Variants in SYTL3 observed in about 807,000 individuals in gnomAD.
The protein encoded by SYTL3 is synaptotagmin like 3, also known as synaptotagmin-like protein 3.
Under a neutral mutation model 82.1 loss-of-function variants are expected in SYTL3, and 88 were observed. That is an observed-to-expected ratio of 1.07 (90% confidence interval 0.90 to 1.28). The LOEUF (loss-of-function observed/expected upper bound fraction) is 1.28, where lower values mean the gene tolerates loss of function less well. Ranked by LOEUF, SYTL3 falls within the 50% of genes most tolerant of loss-of-function variation. The pLI is 0.00. For missense variants in SYTL3, 831 were observed against 757.6 expected (o/e 1.10, Z -1.14); for synonymous variants, 311 against 289.4 (o/e 1.07, Z -0.76).
rs1270979876 is a variant in SYTL3 at position 158,764,603 on chromosome 6, G to A, written c.1832G>A (p.Ter611=). Residue 611 remains the stop codon, a stop_retained_variant, in exon 18 of 18, where the codon TGA becomes TAA. Coordinates refer to ENST00000611299, the MANE Select transcript of SYTL3 (RefSeq NM_001242394.2). ...LWTDMTLVLH[*] ...ACAGACATGACTCTTGTCCTGCACT[G>A]ACATGAAGGCCTCAAGGTTCCAGGT... The A allele has an allele frequency of 2.5e-6, 4 of 1,609,988 alleles. No homozygotes were observed. Among genetic ancestry groups the A allele is most frequent in the African/African-American group, 2.7e-5 (2 of 74,816 alleles).
chr6:158,705,034 G>A (rs113064138), intron 6 of SYTL3, among the ~76,000 whole-genome samples: 15 of 69,082 alleles, frequency 2.2e-4, no homozygotes, highest in South Asian at 1.1e-3. Context: ...AGTGAGGGCT[G>A]TAAGGCCACA....
At chr6:158,740,299 G>T (rs1054410020) in intron 11 of SYTL3, among the ~76,000 whole-genome samples, 3 of 151,868 alleles carry the variant, frequency 2.0e-5, no homozygotes, top group Non-Finnish European at 4.4e-5. Context: ...CCCAGCCAAG[G>T]CCTTAATTTC....
intron 6 of SYTL3, among the ~76,000 whole-genome samples, chr6:158,704,504 G>T (rs1583301248): frequency 6.6e-6 from 1 of 152,386 alleles, no homozygotes; most frequent in East Asian, 1.9e-4. Flanking sequence ...AGGCAGAACT[G>T]CCCGTGGGGG....
intron 10 of SYTL3, among the ~76,000 whole-genome samples, chr6:158,724,232 C>G (rs917097796): frequency 6.6e-6 from 1 of 152,166 alleles, no homozygotes; most frequent in Non-Finnish European, 1.5e-5. Context: ...CTTCCAGCCC[C>G]CAGAATTTAG....
chr6:158,763,297 T>G lies in SYTL3; in HGVS notation c.1518-7T>G, dbSNP rs1392835441. The stretch of plus-strand genomic sequence containing the variant: ...CAATGATTGCAGGGTTTGTGTTCCC[T>G]CTTCAGCTGTCTCACTCTGCCAGAC... On this transcript the variant is annotated splice_polypyrimidine_tract_variant and splice_region_variant and intron_variant, in intron 16 of 17. Transcript: ENST00000611299. The G allele has an allele frequency of 6.2e-7, 1 of 1,614,054 alleles. No individual in the cohort carries two copies. The highest frequency in any genetic ancestry group is 2.2e-5 in the East Asian group (1 of 44,886).
chr6:158,708,131 C>T (rs776475640), intron 7 of SYTL3, among the ~76,000 whole-genome samples, 191 bp from the exon 8 acceptor site: 5 of 152,066 alleles, frequency 3.3e-5, no homozygotes, highest in Non-Finnish European at 7.3e-5. Flanking sequence ...CATATAGATA[C>T]CAGGAAATCA....
chr6:158,687,805 T>C (rs1779452205), intron 6 of SYTL3, among the ~76,000 whole-genome samples: 1 of 152,198 alleles, frequency 6.6e-6, no homozygotes, highest in South Asian at 2.1e-4. Context: ...CTTTTCTCTT[T>C]GAAAGGAAGT....
Position 158,682,933 on chromosome 6 carries a change from A to G in SYTL3, c.338A>G (p.Lys113Arg), listed in dbSNP as rs969789741. 1.2e-6 allele frequency: 2 copies of G among 1,613,348 alleles called. No individual in the cohort carries two copies. The highest frequency in any genetic ancestry group is 1.7e-6 in the Non-Finnish European group (2 of 1,179,270). The change falls in exon 6 of 18, where the codon AAA becomes AGA. Residue 113 changes from lysine (K) to arginine (R), a missense_variant. Coordinates refer to ENST00000611299, the MANE Select transcript of SYTL3 (RefSeq NM_001242394.2). Reference sequence around the variant, plus strand: ...TCTGCTCATTTTTTCAGGAATGTCAAAATAAAAACTGGAGAATGGTTCTAT... The same window carrying G: ...TCTGCTCATTTTTTCAGGAATGTCAGAATAAAAACTGGAGAATGGTTCTAT... ...CTVCFEDRNV[K>R]IKTGEWFYEE...
At chr6:158,731,772 T>C (rs1785451802) in intron 11 of SYTL3, among the ~76,000 whole-genome samples, 1 of 152,118 alleles carries the variant, frequency 6.6e-6, no homozygotes. Flanking sequence ...TTTTTGTATT[T>C]TTAGTAGAGA....
chr6:158,685,202 C>T (rs1005699970), intron 6 of SYTL3, among the ~76,000 whole-genome samples: 107 of 141,536 alleles, frequency 7.6e-4, no homozygotes, highest in African/African-American at 3.2e-3. Flanking sequence ...GCTTTTATGT[C>T]TCTCTCTCTC....
intron 4 of SYTL3, among the ~76,000 whole-genome samples, chr6:158,664,313 G>A (rs1789748155): frequency 6.6e-6 from 1 of 152,240 alleles, no homozygotes; most frequent in African/African-American, 2.4e-5. Flanking sequence ...GGGAGGTTGA[G>A]GCGGGCGGAT....
intron 2 of SYTL3, among the ~76,000 whole-genome samples, chr6:158,657,816 T>C (rs935023863): frequency 3.0e-5 from 4 of 133,528 alleles, no homozygotes; most frequent in African/African-American, 1.2e-4. Flanking sequence ...TAAAAAATTC[T>C]TGTTAAAGTT....
chr6:158,700,416 G>A (rs1203426005), intron 6 of SYTL3, among the ~76,000 whole-genome samples: 2 of 150,698 alleles, frequency 1.3e-5, no homozygotes, highest in Non-Finnish European at 3.0e-5. Context: ...CACACCCGGC[G>A]TCACTTATTC....
intron 12 of SYTL3, among the ~76,000 whole-genome samples, chr6:158,748,182 C>G (rs1048311463): frequency 6.0e-5 from 9 of 150,986 alleles, no homozygotes; most frequent in Non-Finnish European, 1.2e-4. Flanking sequence ...TTTTTTCTTA[C>G]ATGGGGAACT....
At chr6:158,733,863 C>T (rs1185730420) in intron 11 of SYTL3, among the ~76,000 whole-genome samples, 5 of 150,388 alleles carry the variant, frequency 3.3e-5, no homozygotes, top group Non-Finnish European at 5.9e-5. Flanking sequence ...TTTGGGAGGC[C>T]GAGGAGGGCG....
chr6:158,703,195 C>A (rs1375631689), intron 6 of SYTL3, among the ~76,000 whole-genome samples: 2 of 150,396 alleles, frequency 1.3e-5, no homozygotes, highest in Admixed American at 1.3e-4. Context: ...TGACACCTGG[C>A]AACCACCCGA....
intron 11 of SYTL3, among the ~76,000 whole-genome samples, chr6:158,729,676 C>T (rs984037934): frequency 6.6e-6 from 1 of 150,960 alleles, no homozygotes. Flanking sequence ...ACGCCATTCT[C>T]CTGCCTCAGC....
chr6:158,651,550 T>A (rs1472793617), intron 1 of SYTL3, among the ~76,000 whole-genome samples: 1 of 152,088 alleles, frequency 6.6e-6, no homozygotes, highest in Non-Finnish European at 1.5e-5. Context: ...ATCGCGCCAC[T>A]GCACTCCAGC....
intron 6 of SYTL3, among the ~76,000 whole-genome samples, chr6:158,693,129 A>G (rs949004462): frequency 6.6e-6 from 1 of 152,236 alleles, no homozygotes; most frequent in African/African-American, 2.4e-5. Flanking sequence ...AATGGAGTCC[A>G]TAGTTTATGT....
Sources: allele counts gnomAD v4.1 joint callset (sites outside exome capture counted in the v4.1 genomes callset), GRCh38; gene constraint gnomAD v4.1.1; transcripts MANE v1.5; gene names NCBI Gene and HGNC (gene_info 2026-07-23, HGNC 2026-07-21).